SLC25A26: variants seen among roughly 807,000 people sequenced by gnomAD.
SLC25A26 encodes solute carrier family 25 member 26.
Under a neutral mutation model 37.8 loss-of-function variants are expected in SLC25A26, and 36 were observed. The ratio of observed to expected loss-of-function variants is 0.95; its 90% CI spans 0.73 to 1.26. SLC25A26 has a LOEUF of 1.26. Among genes scored for constraint, SLC25A26 ranks in the 50% most tolerant of loss-of-function variants. The pLI, the probability that SLC25A26 is intolerant of heterozygous loss-of-function variation, is 0.00. For synonymous variants in SLC25A26, 129 were observed against 122.5 expected, an observed-to-expected ratio of 1.05 and a Z score of -0.35; for missense variants, 390 against 331.1, an observed-to-expected ratio of 1.18 and a Z score of -1.38.
intron 5 of SLC25A26, among the ~76,000 whole-genome samples, chr3:66,263,783 C>T (rs1000808113): frequency 6.6e-6 from 1 of 152,082 alleles, no homozygotes; most frequent in Non-Finnish European, 1.5e-5. Flanking sequence ...GTCAGCCTCC[C>T]GAGTAGCTGG....
Position 66,363,078 on chromosome 3 carries a change from A to AG in SLC25A26, c.568+153dup, listed in dbSNP as rs200373758. 2,153 of 370,448 alleles carry AG rather than the reference A, an allele frequency of 5.8e-3. 17 individuals are homozygous for AG. The highest frequency in any genetic ancestry group is 0.032 in the Admixed American group (688 of 21,280). The allele number at this position is 370,448 out of a possible 1,614,324, so 22.9% of individuals were successfully genotyped here. On this transcript the variant is annotated intron_variant, in intron 7 of 9. Transcript: ENST00000354883. ...TGTTTGAGAAAAGAACGTGTCTTAG[A>AG]GGGGAAAAAAAAAAAAAAACTGCTA...
At chr3:66,266,937 G>A (rs1183946512) in intron 5 of SLC25A26, among the ~76,000 whole-genome samples, 3 of 152,174 alleles carry the variant, frequency 2.0e-5, no homozygotes, top group Non-Finnish European at 2.9e-5. Context: ...AGAAAGCAGA[G>A]TAAAGCAGAT....
At chr3:66,185,377 C>G (rs1035340813) in intron 1 of SLC25A26, among the ~76,000 whole-genome samples, 2 of 152,184 alleles carry the variant, frequency 1.3e-5, no homozygotes, top group African/African-American at 4.8e-5. Flanking sequence ...TTGCTTCTAC[C>G]TTTTGCCTGT....
intron 5 of SLC25A26, among the ~76,000 whole-genome samples, chr3:66,326,980 A>G (rs1575571161): frequency 2.6e-5 from 4 of 152,196 alleles, no homozygotes; most frequent in Middle Eastern, 3.4e-3. Flanking sequence ...TCAGGTAGAG[A>G]CTCTCATGTT....
At chr3:66,265,516 A>G (rs1156786948) in intron 5 of SLC25A26, among the ~76,000 whole-genome samples, 1 of 152,196 alleles carries the variant, frequency 6.6e-6, no homozygotes, top group African/African-American at 2.4e-5. Context: ...TGCGTTTTCT[A>G]TTTGGAGGTT....
rs972955473 is a variant in SLC25A26, at chr3:66,208,042, G to T, written c.-353-12700G>T. On this transcript the variant is annotated intron_variant, in intron 1 of 10. Coordinates refer to the SLC25A26 transcript ENST00000676754. ...GCAACTTATATATTGCATGGAAAAA[G>T]ACTTTATATAGTTAAATTGCTACAG... 5.3e-5 allele frequency among the ~76,000 whole-genome samples: 8 copies of T among 152,236 alleles called. No individual in the cohort carries two copies. In the East Asian group the frequency reaches 1.5e-3, roughly 29 times the overall value.
At chr3:66,147,055 T>C (rs2070125100) in intron 1 of SLC25A26, among the ~76,000 whole-genome samples, 1 of 99,172 alleles carries the variant, frequency 1.0e-5, no homozygotes. Context: ...TTCCCTTCCC[T>C]TCCCTTCCCT....
At chr3:66,194,984 G>C (rs1470042414) in intron 1 of SLC25A26, among the ~76,000 whole-genome samples, 1 of 152,174 alleles carries the variant, frequency 6.6e-6, no homozygotes, top group East Asian at 1.9e-4. Flanking sequence ...TCCTCCCCTT[G>C]GTGGGGAAGG....
At chr3:66,139,406 C>G in intron 1 of SLC25A26, among the ~76,000 whole-genome samples, 1 of 152,148 alleles carries the variant, frequency 6.6e-6, no homozygotes, top group South Asian at 2.1e-4. Context: ...AAAAAGAAAG[C>G]AAGATACATT....
rs536690709 is a variant in SLC25A26 at position 66,239,816 on chromosome 3, CTTTTTTTTT to C, written c.190+3132_190+3140del. Among the ~76,000 whole-genome samples, 9 of 110,174 alleles carry C rather than the reference CTTTTTTTTT, an allele frequency of 8.2e-5. No homozygotes were observed. The South Asian group carries it at 2.4e-3, about 29-fold the overall frequency. The allele number at this position is 110,174 out of a possible 152,430, so 72.3% of individuals were successfully genotyped here. ...ATGGGTTAATGAGTTTCCTTTCTTT[CTTTTTTTTT>C]TTTTTTTTTTTTTTTAACAGTGGAT... is the stretch of plus-strand genomic sequence containing the variant. On this transcript the variant is annotated intron_variant, in intron 2 of 9. Transcript: ENST00000354883.
chr3:66,243,601 C>T (rs976501767), intron 3 of SLC25A26, among the ~76,000 whole-genome samples: 2 of 152,110 alleles, frequency 1.3e-5, no homozygotes, highest in East Asian at 1.9e-4. Flanking sequence ...AATATCCATT[C>T]GAATTGTGAC....
At chr3:66,232,205 G>A (rs138603329) in intron 1 of SLC25A26, among the ~76,000 whole-genome samples, 151,792 of 152,354 alleles carry the variant, frequency 1, 75,618 homozygotes, top group Middle Eastern at 1. Context: ...AACAGTGCCT[G>A]TACCCATTCT....
At chr3:66,339,592 T>G (rs1036290579) in intron 5 of SLC25A26, among the ~76,000 whole-genome samples, 2 of 152,066 alleles carry the variant, frequency 1.3e-5, no homozygotes, top group African/African-American at 4.8e-5. Context: ...GGAGTTTGTA[T>G]CTCATCATGG....
chr3:66,295,987 G>A (rs965326825), intron 5 of SLC25A26, among the ~76,000 whole-genome samples: 1 of 151,816 alleles, frequency 6.6e-6, no homozygotes, highest in Non-Finnish European at 1.5e-5. Context: ...CATGGTGGCA[G>A]GCACCTGTAA....
chr3:66,370,442 G>A, intron 8 of SLC25A26, 87 bp from the exon 9 acceptor site: 8 of 1,044,422 alleles, frequency 7.7e-6, no homozygotes, highest in Non-Finnish European at 8.8e-6. Context: ...GGGTGACGGG[G>A]AGCTGTGTGT....
intron 3 of SLC25A26, among the ~76,000 whole-genome samples, chr3:66,250,140 C>G (rs1381683371): frequency 2.0e-5 from 3 of 152,138 alleles, no homozygotes; most frequent in Non-Finnish European, 4.4e-5. Context: ...TTCCAGACTC[C>G]TTTTATTTTG....
At chr3:66,295,999 C>G (rs931410399) in intron 5 of SLC25A26, among the ~76,000 whole-genome samples, 1 of 151,886 alleles carries the variant, frequency 6.6e-6, no homozygotes, top group South Asian at 2.1e-4. Context: ...CACCTGTAAT[C>G]CCAGCTACTC....
chr3:66,316,414 C>A (rs74559717), intron 5 of SLC25A26, among the ~76,000 whole-genome samples: 1 of 152,148 alleles, frequency 6.6e-6, no homozygotes, highest in African/African-American at 2.4e-5. Flanking sequence ...GTTGGAAATT[C>A]TTTTGTTTAA....
At chr3:66,174,494 T>A (rs2070545496) in intron 1 of SLC25A26, among the ~76,000 whole-genome samples, 1 of 152,116 alleles carries the variant, frequency 6.6e-6, no homozygotes, top group South Asian at 2.1e-4. Flanking sequence ...GAAAATGCTC[T>A]ATGAGGCTAG....
Sources: allele counts gnomAD v4.1 joint callset (sites outside exome capture counted in the v4.1 genomes callset), GRCh38; gene constraint gnomAD v4.1.1; transcripts MANE v1.5; gene names NCBI Gene and HGNC (gene_info 2026-07-23, HGNC 2026-07-21).